PITPNB: variants seen among roughly 807,000 people sequenced by gnomAD.
PITPNB encodes phosphatidylinositol transfer protein beta.
A neutral mutation model predicts 45.9 loss-of-function variants in PITPNB; 16 were observed. The observed-to-expected ratio is 0.35, with a 90% CI of 0.24 to 0.53. The LOEUF (loss-of-function observed/expected upper bound fraction) is 0.53, where lower values mean the gene tolerates loss of function less well. PITPNB is among the 20% of genes least tolerant of loss of function. The pLI, the probability that PITPNB is intolerant of heterozygous loss-of-function variation, is 0.93. For synonymous variants in PITPNB, 112 were observed against 108.9 expected (o/e 1.03, Z -0.18); for missense variants, 188 against 330.5 (o/e 0.57, Z 3.34).
intron 3 of PITPNB, among the ~76,000 whole-genome samples, chr22:27,905,788 CAAG>C (rs2146417913): frequency 6.6e-6 from 1 of 152,298 alleles, no homozygotes; most frequent in South Asian, 2.1e-4. Context: ...TGACTTTCCT[CAAG>C]AAGGGTGAGC....
At chr22:27,878,209 A>G (rs1934873446) in intron 7 of PITPNB, among the ~76,000 whole-genome samples, 1 of 152,254 alleles carries the variant, frequency 6.6e-6, no homozygotes, top group Non-Finnish European at 1.5e-5. Context: ...TGAATTAAAT[A>G]TGAAGATAAA....
intron 7 of PITPNB, among the ~76,000 whole-genome samples, chr22:27,886,694 G>C (rs1369788883): frequency 6.6e-6 from 1 of 152,176 alleles, no homozygotes; most frequent in Non-Finnish European, 1.5e-5. Context: ...ATTTGGGGCT[G>C]CATTTGTATT....
At chr22:27,871,099 T>C (rs993995997) in intron 8 of PITPNB, among the ~76,000 whole-genome samples, 1 of 152,200 alleles carries the variant, frequency 6.6e-6, no homozygotes, top group African/African-American at 2.4e-5. Context: ...AAATACAAAA[T>C]TCACATTATT....
At chr22:27,914,707 G>A (rs1303090011) in intron 1 of PITPNB, among the ~76,000 whole-genome samples, 2 of 152,192 alleles carry the variant, frequency 1.3e-5, no homozygotes, top group Non-Finnish European at 2.9e-5. Flanking sequence ...TAAATTTTTA[G>A]TATGGTTTCA....
At chr22:27,888,240 T>C (rs1242173818) in intron 7 of PITPNB, among the ~76,000 whole-genome samples, 1 of 152,194 alleles carries the variant, frequency 6.6e-6, no homozygotes, top group African/African-American at 2.4e-5. Flanking sequence ...CACATGAGTG[T>C]GCCACAATGA....
intron 8 of PITPNB, among the ~76,000 whole-genome samples, chr22:27,871,458 C>G (rs1447525068): frequency 1.3e-5 from 2 of 152,220 alleles, no homozygotes; most frequent in Non-Finnish European, 2.9e-5. Flanking sequence ...GCTAGAGCTA[C>G]TACTCACTGG....
At chr22:27,903,686 G>A (rs1308325772) in intron 3 of PITPNB, among the ~76,000 whole-genome samples, 1 of 150,632 alleles carries the variant, frequency 6.6e-6, no homozygotes, top group African/African-American at 2.4e-5. Flanking sequence ...TGAGGTGGGG[G>A]GATTGCTTGA....
At chr22:27,887,686 T>A (rs1935162437) in intron 7 of PITPNB, among the ~76,000 whole-genome samples, 1 of 151,996 alleles carries the variant, frequency 6.6e-6, no homozygotes, top group African/African-American at 2.4e-5. Flanking sequence ...ACTCCAATCC[T>A]TAAAGAGCAA....
At chr22:27,854,409 A>G (rs1934113586) in intron 11 of PITPNB, among the ~76,000 whole-genome samples, 1 of 152,232 alleles carries the variant, frequency 6.6e-6, no homozygotes, top group African/African-American at 2.4e-5. Context: ...TTTCTGGTGC[A>G]CAGAAAATAT....
At chr22:27,860,354 A>T in intron 8 of PITPNB, 113 bp from the exon 9 acceptor site, 1 of 627,812 alleles carries the variant, frequency 1.6e-6, no homozygotes, top group Non-Finnish European at 2.7e-6. Context: ...TTACAATCTC[A>T]TGTGTTTAAT....
chr22:27,895,490 T>A lies in PITPNB; in HGVS notation c.373-852A>T, dbSNP rs181245481. On this transcript the variant is annotated intron_variant, in intron 6 of 11. Transcript: ENST00000335272. ...CTGCAGTCCCAGCTACTTGGGAGGC[T>A]GAGGCAGGAGAATTGCTTGAACCCA... Among the ~76,000 whole-genome samples the A allele has an allele frequency of 2.0e-5, 3 of 151,488 alleles. No individual in the cohort carries two copies. The East Asian group carries it at 5.8e-4, about 29-fold the overall frequency.
chr22:27,912,223 G>T lies in PITPNB; in HGVS notation c.52-1114C>A, dbSNP rs185206266. Among the ~76,000 whole-genome samples the T allele has an allele frequency of 3.3e-4, 51 of 152,286 alleles. No homozygotes were observed. In the East Asian group the frequency reaches 9.4e-3, roughly 28 times the overall value. ...CATTCATATCTACAAATCACATGGA[G>T]ATATGATGCTATCTTGCCTATTAGT... is the stretch of plus-strand genomic sequence containing the variant. On this transcript the variant is annotated intron_variant, in intron 2 of 11. Coordinates refer to ENST00000335272, the MANE Select transcript of PITPNB (RefSeq NM_012399.5).
intron 7 of PITPNB, among the ~76,000 whole-genome samples, chr22:27,876,504 G>T (rs1934823919): frequency 6.6e-6 from 1 of 152,150 alleles, no homozygotes; most frequent in Non-Finnish European, 1.5e-5. Flanking sequence ...AGGAATTTCT[G>T]TTTTACGTTA....
chr22:27,880,383 A>T (rs1934935275), intron 7 of PITPNB, among the ~76,000 whole-genome samples: 1 of 152,178 alleles, frequency 6.6e-6, no homozygotes, highest in African/African-American at 2.4e-5. Flanking sequence ...CTTGACTTGG[A>T]GCTGTTTATG....
Position 27,853,448 on chromosome 22 carries a change from G to A in PITPNB, c.*254C>T. On this transcript the variant is annotated 3_prime_UTR_variant, in exon 12 of 12. Transcript: ENST00000335272. Reference sequence around the variant, plus strand: ...TCTGTATGTACATATATACACAAGTGTGTGTATCTGGATCTGTAGCTCTAC... The same window carrying A: ...TCTGTATGTACATATATACACAAGTATGTGTATCTGGATCTGTAGCTCTAC... The A allele has an allele frequency of 1.6e-6, 1 of 616,194 alleles. No homozygotes were observed. The highest frequency in any genetic ancestry group is 2.0e-5 in the South Asian group (1 of 49,608). The allele number at this position is 616,194 out of a possible 1,614,324, so 38.2% of individuals were successfully genotyped here.
At chr22:27,916,732 G>C (rs1936087223) in intron 1 of PITPNB, among the ~76,000 whole-genome samples, 1 of 152,224 alleles carries the variant, frequency 6.6e-6, no homozygotes, top group Admixed American at 6.5e-5. Flanking sequence ...GAACCTGGGA[G>C]GCGGAGGTTG....
rs551615451 is a variant in PITPNB at position 27,875,944 on chromosome 22, A to G, written c.457-2129T>C. Among the ~76,000 whole-genome samples, 3 of 152,342 alleles carry G rather than the reference A, an allele frequency of 2.0e-5. No homozygotes were observed. The East Asian group carries it at 5.8e-4, about 29-fold the overall frequency. ...CAATTACTGTCAGAATCAAAACCAA[A>G]CAAAAGCAGCAAAGGAAACACACTT... On this transcript the variant is annotated intron_variant, in intron 7 of 11. Transcript: ENST00000335272.
chr22:27,867,869 A>C (rs1397956666), intron 8 of PITPNB, among the ~76,000 whole-genome samples: 1 of 152,204 alleles, frequency 6.6e-6, no homozygotes, highest in African/African-American at 2.4e-5. Flanking sequence ...CTCTTTGGGC[A>C]CTTAGCTTCT....
chr22:27,901,359 T>C (rs1429930790), intron 3 of PITPNB, among the ~76,000 whole-genome samples: 1 of 152,232 alleles, frequency 6.6e-6, no homozygotes, highest in Non-Finnish European at 1.5e-5. Context: ...GAAATTATTA[T>C]GTCTATCTGT....
Sources: gnomAD v4.1 joint callset for allele counts (sites outside exome capture counted in the v4.1 genomes callset) on GRCh38, gnomAD v4.1.1 for gene constraint, MANE v1.5 for transcripts, NCBI Gene and HGNC (gene_info 2026-07-23, HGNC 2026-07-21) for gene names.